CENPC: variants seen among roughly 807,000 people sequenced by gnomAD.
CENPC encodes the protein centromere protein C.
Under a neutral mutation model 112.1 loss-of-function variants are expected in CENPC, and 63 were observed. The observed-to-expected ratio is 0.56, with a 90% CI of 0.46 to 0.69. The LOEUF (loss-of-function observed/expected upper bound fraction) is 0.69, where lower values mean the gene tolerates loss of function less well. Among genes scored for constraint, CENPC ranks in the 30% least tolerant of loss-of-function variants. The probability of loss-of-function intolerance (pLI) is 0.00; values close to 1 mark genes in which losing one functional copy is unlikely to be tolerated. For missense variants in CENPC, 1,000 were observed against 1,103.8 expected (o/e 0.91, Z 1.33); for synonymous variants, 333 against 367.6 (o/e 0.91, Z 1.08).
chr4:67,486,436 A>G (rs1207064736), intron 17 of CENPC, among the ~76,000 whole-genome samples: 2 of 152,346 alleles, frequency 1.3e-5, no homozygotes, highest in African/African-American at 4.8e-5. Context: ...CAAATTTCCA[A>G]TCATCAGTTA....
intron 2 of CENPC, 114 bp from the exon 3 acceptor site, chr4:67,541,164 A>G (rs3775861): frequency 0.23 from 156,329 of 667,558 alleles, 20,074 homozygotes; most frequent in Non-Finnish European, 0.27. Flanking sequence ...TATGTAAAAT[A>G]TCTTTACTAT....
chr4:67,491,480 T>TATATAGAGAGAGAG (rs1725270093), intron 16 of CENPC, among the ~76,000 whole-genome samples: 8 of 18,102 alleles, frequency 4.4e-4, no homozygotes, highest in Non-Finnish European at 8.3e-4. Flanking sequence ...TATATATATA[T>TATATAGAGAGAGAG]AGAGAGAGAG....
rs1246079300 is a variant in CENPC at position 67,513,691 on chromosome 4, CAT to C, written c.1444+381_1444+382del. On this transcript the variant is annotated intron_variant, in intron 8 of 18. Transcript: ENST00000273853. ...TATGGCATTCAACAACTGTTAGACA[CAT>C]GAGTGAATGATGGAAGAGAATGGAC... Among the ~76,000 whole-genome samples, 3 of 152,244 alleles carry C rather than the reference CAT, an allele frequency of 2.0e-5. No individual in the cohort carries two copies. In the East Asian group the frequency reaches 5.8e-4, roughly 29 times the overall value.
chr4:67,518,409 C>T (rs746242990), intron 6 of CENPC, 41 bp from the exon 7 acceptor site: 2 of 1,467,374 alleles, frequency 1.4e-6, no homozygotes, highest in Non-Finnish European at 1.8e-6. Context: ...GCTCCCGTAA[C>T]GTTTCTTGAG....
At chr4:67,540,441 G>A (rs572874568) in intron 3 of CENPC, among the ~76,000 whole-genome samples, 1 of 152,234 alleles carries the variant, frequency 6.6e-6, no homozygotes, top group Admixed American at 6.5e-5. Flanking sequence ...GGCTGAAGAG[G>A]GCAGATCACT....
Position 67,514,341 on chromosome 4 carries a change from T to G in CENPC, c.1177A>C (p.Asn393His). ...TSYALIGETV[N>H]NYRSTKYEMY... The stretch of plus-strand genomic sequence containing the variant: ...TCATATTTTGTAGATCTATAATTAT[T>G]TACTGTTTCACCTATCAAAGCATAA... The change falls in exon 8 of 19, where the codon AAT becomes CAT. Residue 393 changes from asparagine to histidine, a missense_variant. Asn to His is a moderately conservative substitution (Grantham distance 68). Coordinates refer to ENST00000273853, the MANE Select transcript of CENPC (RefSeq NM_001812.4). 6.2e-7 allele frequency: 1 copy of G among 1,612,312 alleles called. No individual in the cohort carries two copies. Among genetic ancestry groups the G allele is most frequent in the Admixed American group, 1.7e-5 (1 of 59,850 alleles).
At chr4:67,504,208 CA>C (rs1725673335) in intron 12 of CENPC, among the ~76,000 whole-genome samples, 1 of 151,302 alleles carries the variant, frequency 6.6e-6, no homozygotes, top group Non-Finnish European at 1.5e-5. Context: ...ACTGCTGGGT[CA>C]AAGAAAAATC....
Position 67,470,195 on chromosome 4 carries a change from T to C in CENPC, c.*2410A>G, listed in dbSNP as rs950310072. 2 of 151,914 alleles carry C rather than the reference T, an allele frequency of 1.3e-5. No homozygotes were observed. Among genetic ancestry groups the C allele is most frequent in the East Asian group, 1.9e-4 (1 of 5,158 alleles). The allele number at this position is 151,914 out of a possible 1,614,324, so 9.4% of individuals were successfully genotyped here. On this transcript the variant is annotated 3_prime_UTR_variant, in exon 19 of 19. Coordinates refer to ENST00000273853, the MANE Select transcript of CENPC (RefSeq NM_001812.4). ...CTATGAGCTGAACAGAGTACAGAGG[T>C]GGCAAAAATCAGACGTGGCTCTGAC...
chr4:67,481,151 G>A (rs115621026), intron 17 of CENPC, among the ~76,000 whole-genome samples: 8 of 152,174 alleles, frequency 5.3e-5, no homozygotes, highest in East Asian at 1.9e-4. Flanking sequence ...CACCAGCAGC[G>A]ACCAAGCTGA....
chr4:67,532,111 G>C (rs1726568599), intron 4 of CENPC, among the ~76,000 whole-genome samples: 2 of 152,152 alleles, frequency 1.3e-5, no homozygotes, highest in Non-Finnish European at 2.9e-5. Flanking sequence ...CTTCTCAAAA[G>C]AAGACATCTA....
chr4:67,473,511 T>C (rs1260754732), intron 18 of CENPC, among the ~76,000 whole-genome samples: 1 of 152,184 alleles, frequency 6.6e-6, no homozygotes, highest in African/African-American at 2.4e-5. Context: ...TTCATTTATA[T>C]ATCCCAAATC....
intron 7 of CENPC, 47 bp from the exon 8 acceptor site, chr4:67,514,734 A>G: frequency 6.7e-7 from 1 of 1,486,946 alleles, no homozygotes; most frequent in Non-Finnish European, 9.0e-7. Flanking sequence ...TAAAGCTTTT[A>G]TATTTGTTTA....
At chr4:67,519,133 A>T in intron 6 of CENPC, 84 bp downstream of exon 6, 1 of 975,482 alleles carries the variant, frequency 1.0e-6, no homozygotes, top group Non-Finnish European at 1.5e-6. Flanking sequence ...AGTGTAAAAT[A>T]ATATAACAAG....
At chr4:67,491,474 TATATATAGAGAGAGAGAGAGAGAGAGAG>T (rs1725267219) in intron 16 of CENPC, among the ~76,000 whole-genome samples, 2 of 32,766 alleles carry the variant, frequency 6.1e-5, no homozygotes, top group South Asian at 1.9e-3. Context: ...TATATATATA[TATATATAGAGAGAGAGAGAGAGAGAGAG>T]AGAGAGAGAG....
chr4:67,527,878 T>C (rs1726430244), intron 5 of CENPC, among the ~76,000 whole-genome samples: 1 of 151,882 alleles, frequency 6.6e-6, no homozygotes, highest in Non-Finnish European at 1.5e-5. Flanking sequence ...ATAAACTAAA[T>C]TTACCCCAAA....
At position 67,498,438 on chromosome 4, in the gene CENPC, T is replaced by C. The variant is rs1009261225; in HGVS notation, c.2132-3226A>G. Among the ~76,000 whole-genome samples the C allele has an allele frequency of 6.6e-5, 10 of 152,154 alleles. 1 individual carries two copies. Among genetic ancestry groups the C allele is most frequent in the Non-Finnish European group, 1.5e-4 (10 of 68,020 alleles). ...TATAAAATGCTGTTGTATAGCATTTTACTCACAGCAGAACTTCTTTCAAAA... is the reference window on the plus strand; with the variant it reads ...TATAAAATGCTGTTGTATAGCATTTCACTCACAGCAGAACTTCTTTCAAAA... On this transcript the variant is annotated intron_variant, in intron 12 of 18. Transcript: ENST00000273853.
chr4:67,519,382 T>C lies in CENPC; in HGVS notation c.452A>G (p.Glu151Gly), dbSNP rs1191913841. The C allele has an allele frequency of 1.2e-6, 2 of 1,613,316 alleles. No homozygotes were observed. The highest frequency in any genetic ancestry group is 1.7e-6 in the Non-Finnish European group (2 of 1,179,594). The change falls in exon 6 of 19, where the codon GAA becomes GGA. Residue 151 changes from glutamate (E) to glycine (G), a missense_variant. Physicochemically the swap from Glu to Gly is moderately conservative, Grantham distance 98. Coordinates refer to ENST00000273853, the MANE Select transcript of CENPC (RefSeq NM_001812.4). ...AGGTGAGCCAACGGATAAGTAAAAT[T>C]CTTCATCAGCTTCACTGTGATGATC... ...INDHHSEADE[E>G]FYLSVGSPSV...
chr4:67,492,955 G>A lies in CENPC; in HGVS notation c.2333C>T (p.Ser778Leu), dbSNP rs267600207. The stretch of plus-strand genomic sequence containing the variant: ...ATTTTCTTTTGCCTTCCTTTTAGAC[G>A]ATATTGTGTCTGGAGATAGTACTCC... ...ISGVLSPDTI[S>L]SKRKAKENIG... The change falls in exon 15 of 19, where the codon TCG (serine) becomes TTG (leucine). Residue 778 changes from serine (S) to leucine (L), a missense_variant. By Grantham distance (145) the Ser-to-Leu change is moderately radical. Coordinates refer to ENST00000273853, the MANE Select transcript of CENPC (RefSeq NM_001812.4). 8.4e-6 allele frequency: 13 copies of A among 1,549,784 alleles called. No individual in the cohort carries two copies. The highest frequency in any genetic ancestry group is 1.7e-4 in the Middle Eastern group (1 of 5,940).
At chr4:67,537,431 G>A (rs932557599) in intron 4 of CENPC, among the ~76,000 whole-genome samples, 1 of 152,124 alleles carries the variant, frequency 6.6e-6, no homozygotes, top group Non-Finnish European at 1.5e-5. Flanking sequence ...TGAGGCAGGA[G>A]GATTGCTTGA....
Sources: gnomAD v4.1 joint callset for allele counts (sites outside exome capture counted in the v4.1 genomes callset) on GRCh38, gnomAD v4.1.1 for gene constraint, MANE v1.5 for transcripts, NCBI Gene and HGNC (gene_info 2026-07-23, HGNC 2026-07-21) for gene names.